Variants in ITGAM observed in about 807,000 individuals in gnomAD.
ITGAM encodes the protein integrin subunit alpha M.
A neutral mutation model predicts 137.5 loss-of-function variants in ITGAM; 79 were observed. The ratio of observed to expected loss-of-function variants is 0.57; its 90% CI spans 0.48 to 0.69. ITGAM has a LOEUF of 0.69. Among genes scored for constraint, ITGAM ranks in the 30% least tolerant of loss-of-function variants. The pLI is 0.00. For synonymous variants in ITGAM, 583 were observed against 592.3 expected (o/e 0.98, Z 0.23); for missense variants, 1,343 against 1,483.5 (o/e 0.91, Z 1.56).
intron 2 of ITGAM, among the ~76,000 whole-genome samples, chr16:31,263,433 C>T (rs1277332161): frequency 1.3e-5 from 2 of 152,196 alleles, no homozygotes; most frequent in Non-Finnish European, 2.9e-5. Context: ...CCAGATCCCC[C>T]TCTACAGTGG....
At chr16:31,328,851 T>C (rs573461745) in intron 23 of ITGAM, among the ~76,000 whole-genome samples, 2 of 151,686 alleles carry the variant, frequency 1.3e-5, no homozygotes, top group South Asian at 2.1e-4. Context: ...TTTGTGCATG[T>C]GTGTGAGGGT....
At chr16:31,309,559 A>G (rs1319078047) in intron 14 of ITGAM, among the ~76,000 whole-genome samples, 3 of 151,392 alleles carry the variant, frequency 2.0e-5, no homozygotes, top group Non-Finnish European at 2.9e-5. Context: ...TGCACTTGAG[A>G]TGGGTTTCCT....
intron 5 of ITGAM, among the ~76,000 whole-genome samples, chr16:31,269,661 G>T (rs1223430065): frequency 6.6e-6 from 1 of 152,136 alleles, no homozygotes; most frequent in Non-Finnish European, 1.5e-5. Flanking sequence ...AGGCCTAAGG[G>T]AGCCATCAGG....
rs1367652693 is a variant in ITGAM at position 31,265,888 on chromosome 16, G to A, written c.309+7G>A. On this transcript the variant is annotated splice_region_variant and intron_variant, in intron 4 of 29. Coordinates refer to ENST00000544665, the MANE Select transcript of ITGAM (RefSeq NM_000632.4). ...CAGCCCCCCTCAGCTGCTGGTGAGT[G>A]GGGCTCGATCAGAGGAGCATCCTAA... The A allele has an allele frequency of 6.2e-7, 1 of 1,613,258 alleles. No homozygotes were observed. The highest frequency in any genetic ancestry group is 2.2e-5 in the East Asian group (1 of 44,870).
chr16:31,292,331 G>A (rs1251511772), intron 12 of ITGAM, among the ~76,000 whole-genome samples: 2 of 151,954 alleles, frequency 1.3e-5, no homozygotes. Flanking sequence ...CTCATGTCAT[G>A]GGAGTTTGTT....
chr16:31,265,369 TTC>T, intron 2 of ITGAM, 24 bp from the exon 3 acceptor site: 1 of 1,423,456 alleles, frequency 7.0e-7, no homozygotes. Flanking sequence ...TGTCGAAGTT[TTC>T]TCTGTTCCCA....
At chr16:31,308,727 C>G (rs1247867940) in intron 14 of ITGAM, among the ~76,000 whole-genome samples, 23 of 152,324 alleles carry the variant, frequency 1.5e-4, no homozygotes, top group Non-Finnish European at 3.1e-4. Context: ...TTCTCTAGTT[C>G]TTTTAATTGC....
chr16:31,290,630 T>C (rs567418220), intron 12 of ITGAM, among the ~76,000 whole-genome samples: 1 of 152,274 alleles, frequency 6.6e-6, no homozygotes, highest in Admixed American at 6.5e-5. Context: ...CCAGGCATTA[T>C]ACTTAAAAGT....
chr16:31,268,828 T>C (rs1038904193), intron 5 of ITGAM, among the ~76,000 whole-genome samples: 1 of 152,164 alleles, frequency 6.6e-6, no homozygotes, highest in Admixed American at 6.6e-5. Flanking sequence ...CAGAATCCTT[T>C]TGAGGCCCTT....
rs769343217 is a variant in ITGAM at position 31,331,168 on chromosome 16, G to A, written c.3280G>A (p.Glu1094Lys). 7.7e-5 allele frequency: 124 copies of A among 1,600,270 alleles called. No homozygotes were observed. The highest frequency in any genetic ancestry group is 1.0e-4 in the Non-Finnish European group (121 of 1,168,478). ...GQGAFVRSQT[E>K]TKVEPFEVPN... ...ACGCCCCTCCTTCCTCCCCCAGACG[G>A]AGACCAAAGTGGAGCCGTTCGAGGT... The change falls in exon 29 of 30, where the codon GAG (glutamate) becomes AAG (lysine). Residue 1094 changes from glutamate to lysine, a missense_variant. Coordinates refer to ENST00000544665, the MANE Select transcript of ITGAM (RefSeq NM_000632.4).
intron 12 of ITGAM, among the ~76,000 whole-genome samples, chr16:31,288,554 T>C (rs1384031340): frequency 3.9e-5 from 6 of 152,166 alleles, no homozygotes; most frequent in Non-Finnish European, 5.9e-5. Context: ...TGGCTAGCCA[T>C]ATGTAGAAAG....
intron 9 of ITGAM, 102 bp from the exon 10 acceptor site, chr16:31,276,569 T>G (rs532953654): frequency 7.9e-5 from 61 of 767,308 alleles, no homozygotes; most frequent in Non-Finnish European, 1.3e-4. Flanking sequence ...TGACCTCAAG[T>G]GATCTGCCCA....
At chr16:31,290,932 G>A (rs2080080830) in intron 12 of ITGAM, among the ~76,000 whole-genome samples, 1 of 151,960 alleles carries the variant, frequency 6.6e-6, no homozygotes, top group Non-Finnish European at 1.5e-5. Flanking sequence ...TAATATAATT[G>A]AACAATTGGA....
intron 12 of ITGAM, among the ~76,000 whole-genome samples, chr16:31,285,026 C>T (rs373643874): frequency 1.7e-4 from 26 of 152,220 alleles, no homozygotes; most frequent in African/African-American, 6.3e-4. Context: ...TCTCCAAAAA[C>T]TGAGCTCCCC....
intron 12 of ITGAM, among the ~76,000 whole-genome samples, chr16:31,284,587 A>C (rs1036522141): frequency 2.0e-5 from 3 of 152,158 alleles, no homozygotes; most frequent in African/African-American, 4.8e-5. Flanking sequence ...GTGCAGTATT[A>C]GGGTGGGAGT....
intron 12 of ITGAM, among the ~76,000 whole-genome samples, chr16:31,286,711 G>A (rs1001759506): frequency 6.6e-6 from 1 of 152,092 alleles, no homozygotes; most frequent in African/African-American, 2.4e-5. Context: ...TTTCTTGCTT[G>A]TTGATTTGTT....
At chr16:31,305,491 G>T (rs931528929) in intron 14 of ITGAM, among the ~76,000 whole-genome samples, 1 of 152,078 alleles carries the variant, frequency 6.6e-6, no homozygotes, top group Non-Finnish European at 1.5e-5. Flanking sequence ...TTTCAGTACT[G>T]TGTTGAATAG....
chr16:31,325,477 C>T, intron 20 of ITGAM, 23 bp from the exon 21 acceptor site: 3 of 1,613,818 alleles, frequency 1.9e-6, no homozygotes, highest in Non-Finnish European at 2.5e-6. Flanking sequence ...GATATCACCG[C>T]CTTTGCCTCC....
chr16:31,310,167 T>C (rs2144431863), intron 14 of ITGAM, among the ~76,000 whole-genome samples: 1 of 152,078 alleles, frequency 6.6e-6, no homozygotes, highest in Admixed American at 6.5e-5. Flanking sequence ...CTGACAATTA[T>C]GTGTTTTGGA....
Sources: gnomAD v4.1 joint callset for allele counts (sites outside exome capture counted in the v4.1 genomes callset) on GRCh38, gnomAD v4.1.1 for gene constraint, MANE v1.5 for transcripts, NCBI Gene and HGNC (gene_info 2026-07-23, HGNC 2026-07-21) for gene names.